PDE7B: variants seen among roughly 807,000 people sequenced by gnomAD.
PDE7B encodes the protein 3',5'-cyclic-AMP phosphodiesterase 7B.
Under a neutral mutation model 56.2 loss-of-function variants are expected in PDE7B, and 29 were observed. That is an observed-to-expected ratio of 0.52 (90% CI 0.38 to 0.70). The LOEUF (loss-of-function observed/expected upper bound fraction) is 0.70, where lower values mean the gene tolerates loss of function less well. PDE7B is among the 30% of genes least tolerant of loss of function. The probability of loss-of-function intolerance (pLI) is 0.00; values close to 1 mark genes in which losing one functional copy is unlikely to be tolerated. For synonymous variants in PDE7B, 197 were observed against 196.9 expected (o/e 1.00, Z 0.00); for missense variants, 490 against 565.0 (o/e 0.87, Z 1.35).
At chr6:136,021,342 C>G (rs1281660788) in intron 2 of PDE7B, among the ~76,000 whole-genome samples, 1 of 152,176 alleles carries the variant, frequency 6.6e-6, no homozygotes, top group Non-Finnish European at 1.5e-5. Context: ...TTCTAAAAAT[C>G]CTACCTGCAA....
At chr6:136,140,631 C>T (rs982895473) in intron 3 of PDE7B, among the ~76,000 whole-genome samples, 1 of 152,088 alleles carries the variant, frequency 6.6e-6, no homozygotes, top group African/African-American at 2.4e-5. Context: ...TGTTTGTATC[C>T]TCTTTTATTT....
chr6:136,191,240 A>G (rs1779219856), intron 12 of PDE7B, among the ~76,000 whole-genome samples: 1 of 152,178 alleles, frequency 6.6e-6, no homozygotes, highest in African/African-American at 2.4e-5. Context: ...CCAAAGTGAC[A>G]CATCTTATGC....
At chr6:135,944,918 A>G (rs1019964115) in intron 1 of PDE7B, among the ~76,000 whole-genome samples, 1 of 152,176 alleles carries the variant, frequency 6.6e-6, no homozygotes, top group Admixed American at 6.5e-5. Flanking sequence ...TCCATAGCAA[A>G]TGGCAGGGGA....
At position 136,192,495 on chromosome 6, in the gene PDE7B, G is replaced by T. The variant is rs1319665485; in HGVS notation, c.*655G>T. The T allele has an allele frequency of 1.3e-5, 2 of 152,456 alleles. No individual in the cohort carries two copies. The highest frequency in any genetic ancestry group is 2.9e-5 in the Non-Finnish European group (2 of 68,034). The allele number at this position is 152,456 out of a possible 1,614,324, so 9.4% of individuals were successfully genotyped here. A position where few individuals can be genotyped will look rare whatever the true frequency, so the allele number is the denominator to read the frequency against. On this transcript the variant is annotated 3_prime_UTR_variant, in exon 13 of 13. Transcript: ENST00000308191. Reference sequence around the variant, plus strand: ...TATGCCACTTTGGGGCAGAGACTTGGCATCTTCGCAGTTTAAGAAACCACG... The same window carrying T: ...TATGCCACTTTGGGGCAGAGACTTGTCATCTTCGCAGTTTAAGAAACCACG...
chr6:135,934,843 T>A (rs1467587755), intron 1 of PDE7B, among the ~76,000 whole-genome samples: 1 of 113,322 alleles, frequency 8.8e-6, no homozygotes, highest in African/African-American at 3.7e-5. Context: ...ATATATATAT[T>A]TATTTAAATA....
At chr6:135,908,936 A>G (rs1776163415) in intron 1 of PDE7B, among the ~76,000 whole-genome samples, 1 of 152,202 alleles carries the variant, frequency 6.6e-6, no homozygotes, top group Non-Finnish European at 1.5e-5. Context: ...TGGTATCTCC[A>G]GTACCTAGAA....
chr6:135,997,182 C>T (rs942932770), intron 2 of PDE7B, among the ~76,000 whole-genome samples: 1 of 151,570 alleles, frequency 6.6e-6, no homozygotes, highest in Non-Finnish European at 1.5e-5. Context: ...CTTTGGGAGG[C>T]CAAGATGGGC....
Position 135,851,826 on chromosome 6 carries a change from T to G in PDE7B, c.-173T>G. 3.3e-6 allele frequency: 2 copies of G among 597,898 alleles called. No homozygotes were observed. Among genetic ancestry groups the G allele is most frequent in the Non-Finnish European group, 3.0e-6 (1 of 335,944 alleles). The allele number at this position is 597,898 out of a possible 1,614,324, so 37.0% of individuals were successfully genotyped here. On this transcript the variant is annotated 5_prime_UTR_variant, in exon 1 of 13. Coordinates refer to ENST00000308191, the MANE Select transcript of PDE7B (RefSeq NM_018945.4). ...TTCTTTCTCGATCTCCTTGTGTGCT[T>G]TTGTGTTTCTTTATTTCTTTTCCTT...
intron 2 of PDE7B, among the ~76,000 whole-genome samples, chr6:136,090,473 A>G (rs561557916): frequency 6.6e-6 from 1 of 152,328 alleles, no homozygotes; most frequent in South Asian, 2.1e-4. Flanking sequence ...CAGAACTTGC[A>G]TTGCGCCTTC....
intron 1 of PDE7B, among the ~76,000 whole-genome samples, chr6:135,928,515 T>TTATATATA (rs1774238967): frequency 7.9e-6 from 1 of 125,896 alleles, no homozygotes; most frequent in African/African-American, 2.9e-5. Flanking sequence ...ATATATATAT[T>TTATATATA]TATTTATATA....
At chr6:136,045,557 C>A (rs1776488173) in intron 2 of PDE7B, among the ~76,000 whole-genome samples, 1 of 152,118 alleles carries the variant, frequency 6.6e-6, no homozygotes, top group African/African-American at 2.4e-5. Context: ...GGTCACAATT[C>A]TCATCATGAG....
chr6:136,154,014 T>C, intron 6 of PDE7B, 61 bp from the exon 7 acceptor site: 1 of 1,103,056 alleles, frequency 9.1e-7, no homozygotes, highest in Non-Finnish European at 1.4e-6. Context: ...ACAGTAAGTC[T>C]AAGCTAGTAT....
intron 2 of PDE7B, among the ~76,000 whole-genome samples, chr6:136,082,845 CA>C (rs1562488658): frequency 1.3e-5 from 2 of 152,072 alleles, no homozygotes; most frequent in Non-Finnish European, 2.9e-5. Context: ...GGAAAACAAA[CA>C]GTAAAAGACT....
At chr6:136,163,098 G>A (rs578255778) in intron 8 of PDE7B, among the ~76,000 whole-genome samples, 2 of 152,348 alleles carry the variant, frequency 1.3e-5, no homozygotes, top group East Asian at 3.9e-4. Context: ...CCACTAGACA[G>A]TGTACCAGTG....
intron 3 of PDE7B, among the ~76,000 whole-genome samples, chr6:136,136,133 G>T (rs938461935): frequency 2.6e-5 from 4 of 152,094 alleles, no homozygotes; most frequent in African/African-American, 2.4e-5. Context: ...CTAGTAGAAT[G>T]TGTGAAAGAG....
chr6:136,150,834 T>TA (rs761259700), intron 5 of PDE7B, among the ~76,000 whole-genome samples: 8 of 150,414 alleles, frequency 5.3e-5, no homozygotes, highest in East Asian at 3.9e-4. Flanking sequence ...GCTCTGTCTT[T>TA]AAAAAAATAC....
At chr6:135,871,892 T>G (rs1296335753) in intron 1 of PDE7B, among the ~76,000 whole-genome samples, 1 of 152,224 alleles carries the variant, frequency 6.6e-6, no homozygotes, top group East Asian at 1.9e-4. Context: ...TAGCCTCATA[T>G]CATCTCTTGG....
At chr6:135,970,403 G>T (rs1775073862) in intron 2 of PDE7B, among the ~76,000 whole-genome samples, 1 of 150,488 alleles carries the variant, frequency 6.6e-6, no homozygotes, top group African/African-American at 2.5e-5. Flanking sequence ...GAAGCAGTAG[G>T]AGGAGATGAG....
chr6:135,961,281 A>ATG (rs771473679), intron 2 of PDE7B, among the ~76,000 whole-genome samples: 8,236 of 89,370 alleles, frequency 0.092, 389 homozygotes, highest in Middle Eastern at 0.19. Context: ...GTGTGTGTGT[A>ATG]TGTGTGTGTG....
Sources: gnomAD v4.1 joint callset for allele counts (sites outside exome capture counted in the v4.1 genomes callset) on GRCh38, gnomAD v4.1.1 for gene constraint, MANE v1.5 for transcripts, NCBI Gene and HGNC (gene_info 2026-07-23, HGNC 2026-07-21) for gene names.